KAZN: variants seen among roughly 807,000 people sequenced by gnomAD.
KAZN encodes kazrin.
Under a neutral mutation model 87.4 loss-of-function variants are expected in KAZN, and 40 were observed. The ratio of observed to expected loss-of-function variants is 0.46; its 90% CI spans 0.36 to 0.60. The LOEUF is 0.60. KAZN is among the 20% of genes least tolerant of loss of function. The probability of loss-of-function intolerance (pLI) is 0.00; values close to 1 mark genes in which losing one functional copy is unlikely to be tolerated. For synonymous variants in KAZN, 466 were observed against 458.3 expected, an observed-to-expected ratio of 1.02 and a Z score of -0.22; for missense variants, 898 against 1,073.9, an observed-to-expected ratio of 0.84 and a Z score of 2.29.
intron 10 of KAZN, among the ~76,000 whole-genome samples, chr1:15,100,115 G>A (rs1557798569): frequency 6.6e-6 from 1 of 152,294 alleles, no homozygotes; most frequent in East Asian, 1.9e-4. Flanking sequence ...GAAGAGAGTG[G>A]AGAATTTGGG....
chr1:13,962,652 G>C (rs1272877196), intron 1 of KAZN, among the ~76,000 whole-genome samples: 1 of 152,196 alleles, frequency 6.6e-6, no homozygotes, highest in Non-Finnish European at 1.5e-5. Flanking sequence ...CCACCTGCCA[G>C]GTTCAAGCGA....
intron 2 of KAZN, among the ~76,000 whole-genome samples, chr1:14,318,668 T>C (rs899074517): frequency 6.6e-6 from 1 of 152,132 alleles, no homozygotes; most frequent in African/African-American, 2.4e-5. Flanking sequence ...TTCTATAACA[T>C]GTACATGAGA....
chr1:14,987,248 A>T (rs1189414899), intron 2 of KAZN, among the ~76,000 whole-genome samples: 1 of 152,110 alleles, frequency 6.6e-6, no homozygotes, highest in Non-Finnish European at 1.5e-5. Flanking sequence ...TAATCCCAGC[A>T]CTTTGGGAGG....
intron 1 of KAZN, among the ~76,000 whole-genome samples, chr1:14,050,173 T>G (rs56234446): frequency 6.6e-6 from 1 of 151,092 alleles, no homozygotes; most frequent in African/African-American, 2.4e-5. Flanking sequence ...TGTGTGGGTG[T>G]GTGCGCACAT....
intron 2 of KAZN, among the ~76,000 whole-genome samples, chr1:14,228,341 T>C (rs949629030): frequency 6.6e-6 from 1 of 152,210 alleles, no homozygotes; most frequent in African/African-American, 2.4e-5. Flanking sequence ...AAGCTGAGGC[T>C]TAGAAAGCTT....
At chr1:14,641,996 T>C (rs185780737) in intron 1 of KAZN, among the ~76,000 whole-genome samples, 27 of 152,300 alleles carry the variant, frequency 1.8e-4, no homozygotes, top group African/African-American at 7.2e-5. Flanking sequence ...ATTTTAAAAA[T>C]TGGCAAAAGA....
At chr1:14,867,288 GT>G (rs750077066) in intron 1 of KAZN, among the ~76,000 whole-genome samples, 11 of 152,224 alleles carry the variant, frequency 7.2e-5, no homozygotes, top group Non-Finnish European at 1.2e-4. Context: ...AGTGGGGAGA[GT>G]GGGGAGATTT....
chr1:14,661,822 G>C (rs564287912), intron 1 of KAZN, among the ~76,000 whole-genome samples: 1 of 152,054 alleles, frequency 6.6e-6, no homozygotes, highest in Non-Finnish European at 1.5e-5. Flanking sequence ...TGGCTGAGGC[G>C]TGAGGATCAC....
intron 2 of KAZN, among the ~76,000 whole-genome samples, chr1:14,241,438 C>T (rs1269487105): frequency 6.6e-6 from 1 of 152,206 alleles, no homozygotes; most frequent in African/African-American, 2.4e-5. Flanking sequence ...CCCTGAATAG[C>T]TCATATTGTC....
chr1:14,524,939 G>C (rs1436808676), intron 2 of KAZN, among the ~76,000 whole-genome samples: 1 of 152,186 alleles, frequency 6.6e-6, no homozygotes, highest in African/African-American at 2.4e-5. Context: ...ACCCAGCAAG[G>C]TCTGGAGAGA....
chr1:14,440,556 T>A (rs1185941765), intron 2 of KAZN, among the ~76,000 whole-genome samples: 1 of 152,142 alleles, frequency 6.6e-6, no homozygotes, highest in African/African-American at 2.4e-5. Flanking sequence ...ATATGACACT[T>A]TGTGGTTGCT....
chr1:14,154,865 T>C (rs967170512), intron 1 of KAZN, among the ~76,000 whole-genome samples: 30 of 152,344 alleles, frequency 2.0e-4, no homozygotes, highest in African/African-American at 7.2e-4. Flanking sequence ...GGATGAATGA[T>C]CTTTTTCATA....
intron 1 of KAZN, among the ~76,000 whole-genome samples, chr1:14,127,394 C>T (rs1644894884): frequency 7.2e-6 from 1 of 139,558 alleles, no homozygotes; most frequent in Admixed American, 7.3e-5. Flanking sequence ...TACCCCTTTA[C>T]TGTTGTTTTT....
At chr1:14,416,767 A>T (rs1053500892) in intron 2 of KAZN, among the ~76,000 whole-genome samples, 1 of 151,890 alleles carries the variant, frequency 6.6e-6, no homozygotes, top group South Asian at 2.1e-4. Context: ...TTAAAATTTT[A>T]ATTTTATTAT....
At chr1:14,149,329 G>A (rs1219586330) in intron 1 of KAZN, among the ~76,000 whole-genome samples, 5 of 150,410 alleles carry the variant, frequency 3.3e-5, no homozygotes, top group Admixed American at 2.0e-4. Context: ...GGATGGTCTC[G>A]ATCTCCTGAC....
rs1332668570 is a variant in KAZN at position 14,534,762 on chromosome 1, G to C, written c.250-64221G>C. ...CTGTCTTTCCCAGGGTGAGTAGCCA[G>C]TGATAAGGGTTTTAGGCCACGGAAT... On this transcript the variant is annotated intron_variant, in intron 2 of 16. Coordinates refer to the KAZN transcript ENST00000636203. 3.9e-5 allele frequency among the ~76,000 whole-genome samples: 6 copies of C among 152,344 alleles called. No homozygotes were observed. In the East Asian group the frequency reaches 1.2e-3, roughly 29 times the overall value.
At chr1:14,904,969 G>T (rs1656348997) in intron 1 of KAZN, among the ~76,000 whole-genome samples, 1 of 152,156 alleles carries the variant, frequency 6.6e-6, no homozygotes, top group Non-Finnish European at 1.5e-5. Context: ...CACGGTGTTA[G>T]CCAGGATGGT....
At chr1:14,900,851 A>C (rs1052584641) in intron 1 of KAZN, among the ~76,000 whole-genome samples, 5 of 152,050 alleles carry the variant, frequency 3.3e-5, no homozygotes, top group African/African-American at 1.2e-4. Flanking sequence ...GGATGCTGGC[A>C]TGGCTGGTCC....
At chr1:14,606,355 C>T (rs972455256) in intron 1 of KAZN, among the ~76,000 whole-genome samples, 2 of 152,130 alleles carry the variant, frequency 1.3e-5, no homozygotes, top group East Asian at 1.9e-4. Context: ...TGGGTCCTTA[C>T]GGTAAAGTCT....
Sources: allele counts gnomAD v4.1 joint callset (sites outside exome capture counted in the v4.1 genomes callset), GRCh38; gene constraint gnomAD v4.1.1; transcripts MANE v1.5; gene names NCBI Gene and HGNC (gene_info 2026-07-23, HGNC 2026-07-21).